TENM2: variants seen among roughly 807,000 people sequenced by gnomAD.
The protein encoded by TENM2 is teneurin transmembrane protein 2.
TENM2 carries 52 observed loss-of-function variants against 245.2 expected under a neutral mutation model. The ratio of observed to expected loss-of-function variants is 0.21; its 90% CI spans 0.17 to 0.27. The LOEUF is 0.27. Among genes scored for constraint, TENM2 ranks in the 10% least tolerant of loss-of-function variants. The probability of loss-of-function intolerance (pLI) is 1.00; values close to 1 mark genes in which losing one functional copy is unlikely to be tolerated. For synonymous variants in TENM2, 1,363 were observed against 1,438.9 expected (o/e 0.95, Z 1.19); for missense variants, 3,046 against 3,666.8 (o/e 0.83, Z 4.37).
chr5:168,227,007 A>G (rs913201321), intron 24 of TENM2, among the ~76,000 whole-genome samples: 1 of 152,148 alleles, frequency 6.6e-6, no homozygotes. Flanking sequence ...TGCTCTGCCA[A>G]ATGATTAATG....
At chr5:168,084,429 CT>C (rs35545472) in intron 7 of TENM2, among the ~76,000 whole-genome samples, 1 of 152,166 alleles carries the variant, frequency 6.6e-6, no homozygotes, top group Non-Finnish European at 1.5e-5. Flanking sequence ...TTGTTTTTGA[CT>C]TTTTAATGGT....
At chr5:167,118,438 C>T in the TENM2 span, among the ~76,000 whole-genome samples, 3 of 152,208 alleles carry the variant, frequency 2.0e-5, no homozygotes, top group Non-Finnish European at 4.4e-5. Context: ...TGGCAGAGAA[C>T]AGAATGATCT....
chr5:168,245,144 G>C (rs1212564931), intron 26 of TENM2, among the ~76,000 whole-genome samples: 2 of 147,284 alleles, frequency 1.4e-5, no homozygotes, highest in Non-Finnish European at 3.0e-5. Flanking sequence ...ACTCTACAAG[G>C]ACTTCCCTCC....
chr5:167,652,728 G>C (rs1582658074), intron 2 of TENM2, among the ~76,000 whole-genome samples: 2 of 151,832 alleles, frequency 1.3e-5, no homozygotes, highest in East Asian at 3.9e-4. Flanking sequence ...GCCTTTATTT[G>C]TACTTCCCTT....
chr5:167,153,044 C>T, the TENM2 span, among the ~76,000 whole-genome samples: 1 of 151,678 alleles, frequency 6.6e-6, no homozygotes, highest in East Asian at 1.9e-4. Context: ...ACTTATACTA[C>T]TTTGAGGTTT....
chr5:167,133,923 C>A, the TENM2 span, among the ~76,000 whole-genome samples: 7 of 152,142 alleles, frequency 4.6e-5, no homozygotes, highest in East Asian at 1.2e-3. Flanking sequence ...GAACTAAAGT[C>A]TTTTTTCACT....
Position 167,445,894 on chromosome 5 carries a change from G to T in TENM2, c.502+70421G>T, listed in dbSNP as rs114829144. Among the ~76,000 whole-genome samples the T allele has an allele frequency of 7.5e-3, 1,138 of 152,266 alleles. 10 individuals are homozygous for T. The highest frequency in any genetic ancestry group is 0.025 in the African/African-American group (1,033 of 41,554). The stretch of plus-strand genomic sequence containing the variant: ...AGGACTCTTGACCACAGTCTGTTCA[G>T]TCTGGCCTGGTTTCTTCTTGGTGCT... On this transcript the variant is annotated intron_variant, in intron 2 of 28. Transcript: ENST00000518659.
chr5:167,088,122 A>G, the TENM2 span, among the ~76,000 whole-genome samples: 1 of 152,154 alleles, frequency 6.6e-6, no homozygotes, highest in Non-Finnish European at 1.5e-5. Flanking sequence ...GGAGCAAGTC[A>G]TGCTCAGAGT....
chr5:167,986,200 A>G (rs2546957), intron 4 of TENM2, among the ~76,000 whole-genome samples: 63,568 of 152,106 alleles, frequency 0.42, 14,791 homozygotes, highest in African/African-American at 0.62. Flanking sequence ...TAAAGGATAC[A>G]GGAGAATGGC....
chr5:167,265,672 C>T, the TENM2 span, among the ~76,000 whole-genome samples: 1 of 152,114 alleles, frequency 6.6e-6, no homozygotes, highest in African/African-American at 2.4e-5. Flanking sequence ...CACCCTTCGT[C>T]TCTGTATTGC....
intron 7 of TENM2, among the ~76,000 whole-genome samples, chr5:168,067,233 G>T (rs1043388107): frequency 1.1e-4 from 16 of 152,162 alleles, no homozygotes; most frequent in Non-Finnish European, 8.8e-5. Flanking sequence ...GATTAAAAGA[G>T]ATTCTAGGGA....
At chr5:166,994,062 T>C in the TENM2 span, among the ~76,000 whole-genome samples, 11 of 152,190 alleles carry the variant, frequency 7.2e-5, no homozygotes, top group African/African-American at 2.7e-4. Flanking sequence ...ATATATGAGA[T>C]ATATACACAT....
the TENM2 span, among the ~76,000 whole-genome samples, chr5:167,110,579 C>T: frequency 6.6e-6 from 1 of 152,170 alleles, no homozygotes; most frequent in Non-Finnish European, 1.5e-5. Context: ...CTAGAATATA[C>T]AGTTAATTGA....
chr5:167,147,811 C>T, the TENM2 span, among the ~76,000 whole-genome samples: 1 of 152,184 alleles, frequency 6.6e-6, no homozygotes, highest in East Asian at 1.9e-4. Context: ...TGACTATACA[C>T]CCTCAACCTG....
intron 2 of TENM2, among the ~76,000 whole-genome samples, chr5:167,466,661 A>G (rs555848294): frequency 6.6e-6 from 1 of 152,206 alleles, no homozygotes; most frequent in Non-Finnish European, 1.5e-5. Context: ...ATGTGTTGAC[A>G]TTCAATATTC....
At chr5:167,536,389 T>C (rs1029295732) in intron 2 of TENM2, among the ~76,000 whole-genome samples, 1 of 152,096 alleles carries the variant, frequency 6.6e-6, no homozygotes, top group African/African-American at 2.4e-5. Context: ...AAACTTATTC[T>C]ATAAAGGGCC....
chr5:167,981,403 A>G (rs1010967278), intron 4 of TENM2, among the ~76,000 whole-genome samples: 3 of 152,344 alleles, frequency 2.0e-5, no homozygotes, highest in Admixed American at 6.5e-5. Flanking sequence ...GTGGAAATCA[A>G]AAGTTGTGTT....
intron 2 of TENM2, among the ~76,000 whole-genome samples, chr5:167,833,306 C>A (rs1177056849): frequency 2.6e-5 from 4 of 152,100 alleles, no homozygotes; most frequent in African/African-American, 9.7e-5. Context: ...GAGTCAGTTA[C>A]AAATCCTTCA....
chr5:168,016,079 T>C (rs1785626351), intron 5 of TENM2, among the ~76,000 whole-genome samples: 1 of 152,200 alleles, frequency 6.6e-6, no homozygotes, highest in South Asian at 2.1e-4. Flanking sequence ...CCTTGGTTCC[T>C]CCATCATAAC....
Sources: gnomAD v4.1 joint callset for allele counts (sites outside exome capture counted in the v4.1 genomes callset) on GRCh38, gnomAD v4.1.1 for gene constraint, MANE v1.5 for transcripts, NCBI Gene and HGNC (gene_info 2026-07-23, HGNC 2026-07-21) for gene names.